The following TANGO2 variants were observed in gnomAD, a reference collection of about 807,000 sequenced individuals.
TANGO2 encodes the protein transport and golgi organization 2 homolog.
Under a neutral mutation model 39.1 loss-of-function variants are expected in TANGO2, and 26 were observed. That is an observed-to-expected ratio of 0.67 (90% CI 0.49 to 0.92). The LOEUF is 0.92. TANGO2 is among the 40% of genes least tolerant of loss of function. TANGO2 has a pLI of 0.00. For missense variants in TANGO2, 326 were observed against 360.1 expected (o/e 0.91, Z 0.77); for synonymous variants, 131 against 144.5 (o/e 0.91, Z 0.67).
chr22:20,053,420 C>A lies in TANGO2; in HGVS notation c.266-17C>A, dbSNP rs746310797. The A allele has an allele frequency of 3.2e-5, 50 of 1,543,402 alleles. No individual in the cohort carries two copies. The highest frequency in any genetic ancestry group is 4.4e-5 in the Non-Finnish European group (49 of 1,115,752). ...ATGCCTGCAGCTGTGGACACAGCATCTGTCCCCTGCCTACAGGTGAACTTG... is the reference window on the plus strand; with the variant it reads ...ATGCCTGCAGCTGTGGACACAGCATATGTCCCCTGCCTACAGGTGAACTTG... On this transcript the variant is annotated splice_polypyrimidine_tract_variant and intron_variant, in intron 4 of 8. Coordinates refer to ENST00000327374, the MANE Select transcript of TANGO2 (RefSeq NM_152906.7).
rs543497820 is a variant in TANGO2 at position 20,043,148 on chromosome 22, C to T, written c.57-207C>T. On this transcript the variant is annotated intron_variant, in intron 2 of 8. Coordinates refer to ENST00000327374, the MANE Select transcript of TANGO2 (RefSeq NM_152906.7). ...CCCTGCCTAGCATCCTCCTGTTTCC[C>T]GTGCGGTCCCAGCTGCAGGCTCCCG... 7.9e-5 allele frequency among the ~76,000 whole-genome samples: 12 copies of T among 152,302 alleles called. No individual in the cohort carries two copies. The East Asian group carries it at 2.1e-3, about 27-fold the overall frequency.
At chr22:20,049,671 A>G (rs972625687) in intron 3 of TANGO2, among the ~76,000 whole-genome samples, 3 of 151,840 alleles carry the variant, frequency 2.0e-5, no homozygotes, top group Non-Finnish European at 2.9e-5. Flanking sequence ...AAAAAAAAAA[A>G]AAAAAAGAAA....
intron 2 of TANGO2, among the ~76,000 whole-genome samples, chr22:20,040,513 A>G (rs1223161821): frequency 6.6e-6 from 1 of 152,184 alleles, no homozygotes; most frequent in Non-Finnish European, 1.5e-5. Flanking sequence ...GGTATTTAAG[A>G]GAGAATGCTG....
chr22:20,063,350 C>T lies in TANGO2; in HGVS notation c.618C>T (p.Asp206=). 2 of 1,613,338 alleles carry T rather than the reference C, an allele frequency of 1.2e-6. No individual in the cohort carries two copies. Among genetic ancestry groups the T allele is most frequent in the East Asian group, 2.2e-5 (1 of 44,874 alleles). The change falls in exon 8 of 9, where the codon GAC becomes GAT. Residue 206 remains aspartate (D), a synonymous_variant. Coordinates refer to ENST00000327374, the MANE Select transcript of TANGO2 (RefSeq NM_152906.7). The part of the protein sequence containing the change: ...VLNNEEAQLP[D]PAIEDQGGEY... ...CTCCATCCTGCAGGCAGCTGCCAGA[C>T]CCGGCCATCGAGGACCAGGGTGGGG...
At chr22:20,025,389 G>C (rs564471734) in intron 1 of TANGO2, among the ~76,000 whole-genome samples, 1 of 151,946 alleles carries the variant, frequency 6.6e-6, no homozygotes, top group Non-Finnish European at 1.5e-5. Context: ...CACTGTGCCT[G>C]GCCAGTGCAC....
intron 1 of TANGO2, among the ~76,000 whole-genome samples, chr22:20,027,064 G>T (rs1215736076): frequency 6.6e-6 from 1 of 152,164 alleles, no homozygotes; most frequent in Non-Finnish European, 1.5e-5. Flanking sequence ...CTTCTGGGGA[G>T]GCCTCAGGAA....
intron 3 of TANGO2, among the ~76,000 whole-genome samples, chr22:20,045,537 CTT>C (rs1300832448): frequency 9.2e-6 from 1 of 108,876 alleles, no homozygotes; most frequent in Non-Finnish European, 1.8e-5. Flanking sequence ...GAATTTTGCT[CTT>C]GTTGCCCAGG....
chr22:20,045,595 C>T (rs1386344821), intron 3 of TANGO2, among the ~76,000 whole-genome samples: 1 of 150,856 alleles, frequency 6.6e-6, no homozygotes, highest in Non-Finnish European at 1.5e-5. Flanking sequence ...CCTCCATCTC[C>T]CGGGTTCAAG....
Position 20,064,515 on chromosome 22 carries a change from T to C in TANGO2, c.711-27T>C, listed in dbSNP as rs200131566. 1,393 of 1,613,410 alleles carry C rather than the reference T, an allele frequency of 8.6e-4. 2 individuals are homozygous for C. Among genetic ancestry groups the C allele is most frequent in the Non-Finnish European group, 8.7e-4 (1,028 of 1,179,718 alleles). The stretch of plus-strand genomic sequence containing the variant: ...CAGGGCAGGGCTGAGGGACACCAGG[T>C]GAACGAGGGCCCCTGCTCTCTTTCA... On this transcript the variant is annotated intron_variant, in intron 8 of 8. Transcript: ENST00000327374.
chr22:20,061,311 G>C, intron 6 of TANGO2: 1 of 492,352 alleles, frequency 2.0e-6, no homozygotes, highest in Non-Finnish European at 3.5e-6. Context: ...TCTCCTGTGG[G>C]TGCCCGCTTC....
chr22:20,036,805 A>G lies in TANGO2; in HGVS notation c.7A>G (p.Ile3Val). MCIIFFKFDPRPV... is the reference protein window; with the variant it reads MCVIFFKFDPRPV... ...AGAGCCGCCCTGCACCACCATGTGC[A>G]TCATCTTCTTTAAGTTTGATCCTCG... Residue 3 changes from isoleucine to valine, a missense_variant, in exon 2 of 9, where the codon ATC (isoleucine) becomes GTC (valine). Coordinates refer to ENST00000327374, the MANE Select transcript of TANGO2 (RefSeq NM_152906.7). 6.2e-7 allele frequency: 1 copy of G among 1,614,212 alleles called. No homozygotes were observed. Among genetic ancestry groups the G allele is most frequent in the Non-Finnish European group, 8.5e-7 (1 of 1,180,044 alleles).
At chr22:20,030,150 CTTTTT>C (rs66601369) in intron 1 of TANGO2, among the ~76,000 whole-genome samples, 9 of 123,852 alleles carry the variant, frequency 7.3e-5, no homozygotes, top group Non-Finnish European at 1.5e-4. Flanking sequence ...TAAGCAGTTG[CTTTTT>C]TTTTTTTTTT....
At chr22:20,031,598 T>C (rs974352389) in intron 1 of TANGO2, among the ~76,000 whole-genome samples, 4 of 152,236 alleles carry the variant, frequency 2.6e-5, no homozygotes, top group African/African-American at 9.6e-5. Context: ...TGGTGAGGCC[T>C]GGCCATGTGC....
chr22:20,046,922 T>A (rs2045329180), intron 3 of TANGO2, among the ~76,000 whole-genome samples: 2 of 152,152 alleles, frequency 1.3e-5, no homozygotes, highest in Non-Finnish European at 2.9e-5. Flanking sequence ...TTTATTTGGC[T>A]TAGAGTTCTA....
At chr22:20,021,796 G>A (rs1601760723) in intron 1 of TANGO2, among the ~76,000 whole-genome samples, 4 of 152,352 alleles carry the variant, frequency 2.6e-5, no homozygotes, top group African/African-American at 9.6e-5. Flanking sequence ...TTTCCTCTAG[G>A]AAGTGGGCAC....
At chr22:20,059,441 C>T (rs1047848468) in intron 6 of TANGO2, among the ~76,000 whole-genome samples, 1 of 152,152 alleles carries the variant, frequency 6.6e-6, no homozygotes, top group African/African-American at 2.4e-5. Flanking sequence ...CCTGTTTAAC[C>T]TTTTGAGGAA....
rs2048731735 is a variant in TANGO2 at position 20,063,342 on chromosome 22, C to T, written c.610C>T (p.Leu204=). The change falls in exon 8 of 9, where the codon CTG becomes TTG. Residue 204 remains leucine, a synonymous_variant. Transcript: ENST00000327374. Reference sequence around the variant, plus strand: ...CCACTTCTCTCCATCCTGCAGGCAGCTGCCAGACCCGGCCATCGAGGACCA... The same window carrying T: ...CCACTTCTCTCCATCCTGCAGGCAGTTGCCAGACCCGGCCATCGAGGACCA... The part of the protein sequence containing the change: ...LDVLNNEEAQ[L]PDPAIEDQGG... The T allele has an allele frequency of 6.2e-7, 1 of 1,613,016 alleles. No homozygotes were observed. The highest frequency in any genetic ancestry group is 1.3e-5 in the African/African-American group (1 of 75,054).
chr22:20,021,006 C>G (rs368205978), upstream of TANGO2: 22 of 151,942 alleles, frequency 1.4e-4, 1 homozygote, highest in East Asian at 3.5e-3. Context: ...CGCCGGCATG[C>G]GGCGCGCCGC....
chr22:20,045,943 T>G (rs1006080266), intron 3 of TANGO2, among the ~76,000 whole-genome samples: 3 of 151,960 alleles, frequency 2.0e-5, no homozygotes, highest in African/African-American at 4.8e-5. Flanking sequence ...CCCCTAGATC[T>G]TGAGGTTTTC....
Sources: allele counts gnomAD v4.1 joint callset (sites outside exome capture counted in the v4.1 genomes callset), GRCh38; gene constraint gnomAD v4.1.1; transcripts MANE v1.5; gene names NCBI Gene and HGNC (gene_info 2026-07-23, HGNC 2026-07-21).